Variants in ROBO2 observed in about 807,000 individuals in gnomAD.
The protein encoded by ROBO2 is roundabout guidance receptor 2, also known as roundabout homolog 2.
In ROBO2, 53 loss-of-function variants were observed where a neutral mutation model predicts 160.8. That is an observed-to-expected ratio of 0.33 (90% CI 0.26 to 0.41). ROBO2 has a LOEUF of 0.41. Ranked by LOEUF, ROBO2 falls within the 10% of genes least tolerant of loss-of-function variation. The pLI, the probability that ROBO2 is intolerant of heterozygous loss-of-function variation, is 1.00. For synonymous variants in ROBO2, 664 were observed against 611.7 expected, an observed-to-expected ratio of 1.09 and a Z score of -1.26; for missense variants, 1,577 against 1,722.4, an observed-to-expected ratio of 0.92 and a Z score of 1.49.
intron 2 of ROBO2, among the ~76,000 whole-genome samples, chr3:76,993,052 A>G (rs2060783169): frequency 5.3e-5 from 8 of 152,066 alleles, no homozygotes; most frequent in Admixed American, 5.2e-4. Flanking sequence ...TCCTGACCTC[A>G]AGTGAGCCAC....
chr3:76,305,069 T>C (rs917714998), intron 2 of ROBO2, among the ~76,000 whole-genome samples: 1 of 151,956 alleles, frequency 6.6e-6, no homozygotes, highest in Non-Finnish European at 1.5e-5. Flanking sequence ...AGTGTGTTGG[T>C]AATAACTGTT....
intron 9 of ROBO2, among the ~76,000 whole-genome samples, chr3:77,559,123 A>G (rs918864365): frequency 7.9e-5 from 12 of 152,004 alleles, no homozygotes; most frequent in Admixed American, 7.2e-4. Flanking sequence ...CCATATGACT[A>G]CTTGCTTCCT....
rs531224764 is a variant in ROBO2 at position 77,562,806 on chromosome 3, G to A, written c.1519+74G>A. The A allele has an allele frequency of 7.8e-5, 83 of 1,058,580 alleles. 1 individual carries two copies. In the South Asian group the frequency reaches 1.1e-3, roughly 13 times the overall value. The allele number at this position is 1,058,580 out of a possible 1,614,324, so 65.6% of individuals were successfully genotyped here. A position where few individuals can be genotyped will look rare whatever the true frequency, so the allele number is the denominator to read the frequency against. ...CTCAATATCAAATAATAAGTTAAGG[G>A]GGGATCAAAGTGTTTAATTCACTGA... is the stretch of plus-strand genomic sequence containing the variant. On this transcript the variant is annotated intron_variant, in intron 10 of 25. Coordinates refer to ENST00000461745, the Ensembl canonical transcript of ROBO2.
intron 2 of ROBO2, among the ~76,000 whole-genome samples, chr3:76,894,734 G>A (rs907024365): frequency 4.6e-5 from 7 of 152,064 alleles, no homozygotes; most frequent in South Asian, 2.1e-4. Context: ...ACATGAAAAT[G>A]TATTTCCTGT....
intron 2 of ROBO2, among the ~76,000 whole-genome samples, chr3:76,335,827 C>T (rs2073852145): frequency 2.6e-5 from 4 of 152,030 alleles, no homozygotes; most frequent in Admixed American, 2.6e-4. Flanking sequence ...CCGCCCGCCT[C>T]GTCCTCCCAA....
At chr3:77,185,827 A>G (rs1475342528) in intron 2 of ROBO2, among the ~76,000 whole-genome samples, 1 of 152,016 alleles carries the variant, frequency 6.6e-6, no homozygotes, top group Non-Finnish European at 1.5e-5. Flanking sequence ...ATGTATATAT[A>G]TGATGGAATA....
chr3:77,043,939 G>A (rs2064356738), intron 1 of ROBO2, among the ~76,000 whole-genome samples: 1 of 152,050 alleles, frequency 6.6e-6, no homozygotes, highest in Admixed American at 6.6e-5. Flanking sequence ...ATCTCATAGA[G>A]GTTTATACAT....
chr3:76,834,879 G>A (rs898163701), intron 2 of ROBO2, among the ~76,000 whole-genome samples: 1 of 152,148 alleles, frequency 6.6e-6, no homozygotes, highest in East Asian at 1.9e-4. Context: ...TGTTTATAAC[G>A]TATTGTTTAC....
chr3:76,115,258 A>G lies in ROBO2; in HGVS notation c.109+177656A>G, dbSNP rs189355482. On this transcript the variant is annotated intron_variant, in intron 2 of 26. Coordinates refer to the ROBO2 transcript ENST00000487694. ...CTTCTAATAAATTCCCCTTTTTTGC[A>G]TCACCATAGGCACCAATTCGAATTA... Among the ~76,000 whole-genome samples, 540 of 152,096 alleles carry G rather than the reference A, an allele frequency of 3.6e-3. 6 individuals carry two copies. The highest frequency in any genetic ancestry group is 3.7e-3 in the Admixed American group (56 of 15,274).
intron 2 of ROBO2, among the ~76,000 whole-genome samples, chr3:76,167,472 C>T (rs372819217): frequency 3.9e-5 from 6 of 152,158 alleles, no homozygotes; most frequent in Non-Finnish European, 8.8e-5. Flanking sequence ...TTATCTTCTT[C>T]GGTGTCCATG....
chr3:76,657,912 A>T (rs1336748935), intron 2 of ROBO2, among the ~76,000 whole-genome samples: 1 of 148,658 alleles, frequency 6.7e-6, no homozygotes, highest in Admixed American at 6.8e-5. Flanking sequence ...GTGTATCTAT[A>T]TGAACATTAG....
At chr3:77,424,950 A>C (rs886556071) in intron 2 of ROBO2, among the ~76,000 whole-genome samples, 2 of 152,200 alleles carry the variant, frequency 1.3e-5, no homozygotes, top group Non-Finnish European at 2.9e-5. Flanking sequence ...AAAAGGCAAC[A>C]CAAGTATCCC....
intron 2 of ROBO2, among the ~76,000 whole-genome samples, chr3:76,368,473 G>A (rs1229267190): frequency 2.0e-5 from 3 of 151,894 alleles, no homozygotes; most frequent in Non-Finnish European, 4.4e-5. Context: ...GGTTGAAGCA[G>A]CTTTACTCAC....
chr3:77,293,610 A>G (rs796439529), intron 2 of ROBO2, among the ~76,000 whole-genome samples: 2 of 132,548 alleles, frequency 1.5e-5, no homozygotes, highest in Non-Finnish European at 3.2e-5. Context: ...CCCCAGACAC[A>G]AAGTAAAATT....
At chr3:77,323,860 T>C (rs753487044) in intron 2 of ROBO2, among the ~76,000 whole-genome samples, 13 of 152,198 alleles carry the variant, frequency 8.5e-5, no homozygotes, top group East Asian at 1.9e-4. Flanking sequence ...GCCAAACAGC[T>C]TGAGATATTT....
In ROBO2 at chr3:76,293,471, A is replaced by G. The variant is rs192475348; in HGVS notation, c.109+355869A>G. On this transcript the variant is annotated intron_variant, in intron 2 of 26. Transcript: ENST00000487694. ...AGTCAGAAAAGGTGTTACACACAAG[A>G]GGGAGTAGAGACAACAGTTCAAGCT... 5.9e-3 allele frequency among the ~76,000 whole-genome samples: 905 copies of G among 152,316 alleles called. 1 individual carries two copies. Among genetic ancestry groups the G allele is most frequent in the Non-Finnish European group, 0.011 (719 of 68,028 alleles).
chr3:75,997,405 A>G (rs1467884171), intron 2 of ROBO2, among the ~76,000 whole-genome samples: 1 of 152,170 alleles, frequency 6.6e-6, no homozygotes, highest in Non-Finnish European at 1.5e-5. Context: ...TATCTCTGCA[A>G]AAGAACTTTT....
intron 2 of ROBO2, among the ~76,000 whole-genome samples, chr3:76,121,345 GA>G (rs2070744925): frequency 1.3e-5 from 2 of 152,028 alleles, no homozygotes; most frequent in African/African-American, 4.8e-5. Context: ...GAGGGGGGAG[GA>G]AAATAATTGT....
chr3:76,684,135 TA>T (rs1366652898), intron 2 of ROBO2, among the ~76,000 whole-genome samples: 3 of 151,874 alleles, frequency 2.0e-5, no homozygotes, highest in East Asian at 3.9e-4. Context: ...GTCTATTGAT[TA>T]AAAAAACAAA....
Sources: gnomAD v4.1 joint callset for allele counts (sites outside exome capture counted in the v4.1 genomes callset) on GRCh38, gnomAD v4.1.1 for gene constraint, MANE v1.5 for transcripts, NCBI Gene and HGNC (gene_info 2026-07-23, HGNC 2026-07-21) for gene names.